PDE10A: variants seen among roughly 807,000 people sequenced by gnomAD.
PDE10A encodes the protein cAMP and cAMP-inhibited cGMP 3',5'-cyclic phosphodiesterase 10A.
PDE10A carries 39 observed loss-of-function variants against 97.7 expected under a neutral mutation model. That is an observed-to-expected ratio of 0.40 (90% CI 0.31 to 0.52). The LOEUF (loss-of-function observed/expected upper bound fraction) is 0.52. Among genes scored for constraint, PDE10A ranks in the 20% least tolerant of loss-of-function variants. The probability of loss-of-function intolerance (pLI) is 0.56; values close to 1 mark genes in which losing one functional copy is unlikely to be tolerated. For missense variants in PDE10A, 731 were observed against 1,047.8 expected (o/e 0.70, Z 4.17); for synonymous variants, 371 against 376.8 (o/e 0.98, Z 0.18).
At chr6:165,447,222 C>T (rs969640892) in intron 5 of PDE10A, among the ~76,000 whole-genome samples, 3 of 152,212 alleles carry the variant, frequency 2.0e-5, no homozygotes, top group Non-Finnish European at 4.4e-5. Flanking sequence ...CTGCTGCCTG[C>T]ACCTCTCAGT....
intron 1 of PDE10A, among the ~76,000 whole-genome samples, chr6:165,943,175 AAAAG>A (rs1210872117): frequency 0.015 from 995 of 68,330 alleles, 50 homozygotes; most frequent in East Asian, 0.046. Context: ...AAAGAAAGAA[AAAAG>A]AAAGAAAGAA....
chr6:165,575,772 A>G (rs996467726), intron 1 of PDE10A, among the ~76,000 whole-genome samples: 3 of 152,232 alleles, frequency 2.0e-5, no homozygotes, highest in Non-Finnish European at 4.4e-5. Flanking sequence ...TTCATTCCCC[A>G]TAACTGCACT....
chr6:165,495,696 T>A (rs1780496017), intron 2 of PDE10A, among the ~76,000 whole-genome samples: 1 of 152,180 alleles, frequency 6.6e-6, no homozygotes, highest in Non-Finnish European at 1.5e-5. Context: ...ACTCTATTTA[T>A]CCAGCTGGAA....
chr6:165,635,538 C>T (rs1180211063), intron 1 of PDE10A, among the ~76,000 whole-genome samples: 1 of 152,126 alleles, frequency 6.6e-6, no homozygotes, highest in Non-Finnish European at 1.5e-5. Flanking sequence ...TTTGGAATTA[C>T]GCTATCCAAG....
intron 8 of PDE10A, 123 bp from the exon 9 acceptor site, chr6:165,430,468 G>T: frequency 1.7e-6 from 1 of 584,822 alleles, no homozygotes; most frequent in South Asian, 2.3e-5. Context: ...GGGTTATAAT[G>T]TAATAATAAT....
At chr6:165,585,649 G>A (rs1206096909) in intron 1 of PDE10A, among the ~76,000 whole-genome samples, 1 of 152,122 alleles carries the variant, frequency 6.6e-6, no homozygotes, top group African/African-American at 2.4e-5. Flanking sequence ...AGCCTCTGGA[G>A]GGTGTGCAGC....
chr6:165,332,808 G>A lies in PDE10A; in HGVS notation c.*217C>T, dbSNP rs1781412669. ...TTGGCCAGCTGATTTCTGAACGTGG[G>A]GGTGGTCCTGGTTGCTCAGTGTCTA... On this transcript the variant is annotated 3_prime_UTR_variant, in exon 22 of 22. Transcript: ENST00000539869. The A allele has an allele frequency of 2.0e-6, 1 of 495,936 alleles. No homozygotes were observed. The highest frequency in any genetic ancestry group is 3.0e-5 in the South Asian group (1 of 33,170). 30.7% of individuals were successfully genotyped at this position (495,936 alleles called of 1,614,324 possible). A position where few individuals can be genotyped will look rare whatever the true frequency, so the allele number is the denominator to read the frequency against.
At chr6:165,405,564 C>T (rs1207711043) in intron 13 of PDE10A, among the ~76,000 whole-genome samples, 1 of 152,196 alleles carries the variant, frequency 6.6e-6, no homozygotes, top group African/African-American at 2.4e-5. Context: ...ACTTTATTCA[C>T]ATATCTCATT....
intron 2 of PDE10A, among the ~76,000 whole-genome samples, chr6:165,542,833 T>C (rs541096834): frequency 5.8e-4 from 88 of 152,060 alleles, no homozygotes; most frequent in Middle Eastern, 3.4e-3. Flanking sequence ...TTAGCTAGGA[T>C]GGTCTCGATC....
At chr6:165,640,682 G>A (rs1347927014) in intron 1 of PDE10A, among the ~76,000 whole-genome samples, 1 of 152,174 alleles carries the variant, frequency 6.6e-6, no homozygotes, top group East Asian at 1.9e-4. Context: ...GATGTCAAGT[G>A]ATTTCAAATG....
chr6:165,572,589 A>C (rs566593673), intron 1 of PDE10A, among the ~76,000 whole-genome samples: 4 of 152,370 alleles, frequency 2.6e-5, no homozygotes, highest in Admixed American at 2.6e-4. Flanking sequence ...TTCCTTGGTG[A>C]CAAAAATGTA....
intron 1 of PDE10A, among the ~76,000 whole-genome samples, chr6:165,723,424 G>C (rs552763464): frequency 6.1e-4 from 93 of 152,226 alleles, no homozygotes; most frequent in African/African-American, 1.9e-3. Context: ...ACGTGACTGT[G>C]CTGCAAAAAA....
rs982652921 is a variant in PDE10A at position 165,865,614 on chromosome 6, T to A, written c.-615+121915A>T. On this transcript the variant is annotated intron_variant, in intron 1 of 19. Transcript: ENST00000366882. ...TAGCATAAAAGGAACCAAATATAAA[T>A]CCTCAAATTTAAGAATTCAATAAAA... Among the ~76,000 whole-genome samples the A allele has an allele frequency of 4.1e-4, 62 of 151,892 alleles. 1 individual carries two copies. The highest frequency in any genetic ancestry group is 1.4e-3 in the African/African-American group (60 of 41,446).
chr6:165,775,390 C>CGTAACA (rs1177808292), intron 1 of PDE10A: 1 of 152,194 alleles, frequency 6.6e-6, no homozygotes, highest in Non-Finnish European at 1.5e-5. Context: ...TAGCCTCCAC[C>CGTAACA]GTAACACTTC....
chr6:165,673,861 G>C (rs1438782579), intron 1 of PDE10A, among the ~76,000 whole-genome samples: 1 of 152,112 alleles, frequency 6.6e-6, no homozygotes, highest in Non-Finnish European at 1.5e-5. Flanking sequence ...TGATCCACGG[G>C]TTATATAGAA....
At chr6:165,862,274 A>T (rs902229874) in intron 1 of PDE10A, among the ~76,000 whole-genome samples, 1 of 152,218 alleles carries the variant, frequency 6.6e-6, no homozygotes, top group African/African-American at 2.4e-5. Flanking sequence ...AGTTGTTTTA[A>T]ACGTCACAAA....
intron 1 of PDE10A, among the ~76,000 whole-genome samples, chr6:165,673,537 T>A (rs1790707596): frequency 2.0e-5 from 3 of 152,252 alleles, no homozygotes; most frequent in Admixed American, 2.0e-4. Context: ...CTTGCAGCCC[T>A]ATAATTCAGG....
At chr6:165,732,565 TC>T (rs945273547) in intron 1 of PDE10A, among the ~76,000 whole-genome samples, 2 of 152,162 alleles carry the variant, frequency 1.3e-5, no homozygotes, top group Non-Finnish European at 2.9e-5. Context: ...GCTCATCACA[TC>T]CACCCTATTG....
At chr6:165,837,441 T>C (rs2128472238) in intron 1 of PDE10A, among the ~76,000 whole-genome samples, 1 of 152,318 alleles carries the variant, frequency 6.6e-6, no homozygotes, top group Admixed American at 6.5e-5. Flanking sequence ...TTCTCTGCTT[T>C]CAAACATTCC....
Sources: allele counts gnomAD v4.1 joint callset (sites outside exome capture counted in the v4.1 genomes callset), GRCh38; gene constraint gnomAD v4.1.1; transcripts MANE v1.5; gene names NCBI Gene and HGNC (gene_info 2026-07-23, HGNC 2026-07-21).